The following KCNMB2 variants were observed in gnomAD, a reference collection of about 807,000 sequenced individuals.
KCNMB2 encodes calcium-activated potassium channel subunit beta-2.
Under a neutral mutation model 24.5 loss-of-function variants are expected in KCNMB2, and 9 were observed. The ratio of observed to expected loss-of-function variants is 0.37; its 90% confidence interval spans 0.22 to 0.64. KCNMB2 has a LOEUF of 0.64. KCNMB2 is among the 30% of genes least tolerant of loss of function. The pLI, the probability that KCNMB2 is intolerant of heterozygous loss-of-function variation, is 0.63. For missense variants in KCNMB2, 226 were observed against 284.3 expected, an observed-to-expected ratio of 0.79 and a Z score of 1.47; for synonymous variants, 109 against 104.4, an observed-to-expected ratio of 1.04 and a Z score of -0.27.
At chr3:178,758,131 C>T (rs1412202872) in intron 1 of KCNMB2, among the ~76,000 whole-genome samples, 6 of 40,954 alleles carry the variant, frequency 1.5e-4, no homozygotes, top group South Asian at 8.1e-4. Context: ...TATATGTACA[C>T]ACAAGAGGAT....
At chr3:178,564,955 T>C (rs766428800) in intron 1 of KCNMB2, among the ~76,000 whole-genome samples, 1 of 152,206 alleles carries the variant, frequency 6.6e-6, no homozygotes, top group Admixed American at 6.6e-5. Flanking sequence ...ATCTATATTC[T>C]AGAATACTTT....
intron 1 of KCNMB2, among the ~76,000 whole-genome samples, chr3:178,779,732 T>A (rs1196064192): frequency 6.6e-6 from 1 of 152,180 alleles, no homozygotes; most frequent in East Asian, 1.9e-4. Context: ...TTCAGGTTTT[T>A]TGTAAGACTA....
intron 1 of KCNMB2, among the ~76,000 whole-genome samples, chr3:178,620,510 G>A (rs1718869967): frequency 6.6e-6 from 1 of 152,190 alleles, no homozygotes; most frequent in African/African-American, 2.4e-5. Flanking sequence ...AGTGTCTGGT[G>A]AGGACTTGCT....
intron 1 of KCNMB2, among the ~76,000 whole-genome samples, chr3:178,670,351 C>A (rs1428922875): frequency 6.6e-6 from 1 of 151,912 alleles, no homozygotes; most frequent in African/African-American, 2.4e-5. Context: ...AATCAAAGAA[C>A]TTCTGCAAAG....
chr3:178,605,061 T>C (rs1332809009), intron 1 of KCNMB2, among the ~76,000 whole-genome samples: 1 of 152,166 alleles, frequency 6.6e-6, no homozygotes, highest in African/African-American at 2.4e-5. Context: ...TAAGGTCAAG[T>C]AGTTTTTTTA....
At chr3:178,674,823 G>A (rs1577088586) in intron 1 of KCNMB2, among the ~76,000 whole-genome samples, 1 of 152,256 alleles carries the variant, frequency 6.6e-6, no homozygotes, top group African/African-American at 2.4e-5. Context: ...GCTTGGCCCA[G>A]TTCAGCCACA....
intron 1 of KCNMB2, among the ~76,000 whole-genome samples, chr3:178,583,015 G>C (rs1256089539): frequency 3.3e-5 from 5 of 152,020 alleles, no homozygotes; most frequent in African/African-American, 9.7e-5. Flanking sequence ...CAATGATATT[G>C]GTTCTCTTTA....
At chr3:178,638,761 A>G (rs1719619006) in intron 1 of KCNMB2, among the ~76,000 whole-genome samples, 2 of 152,206 alleles carry the variant, frequency 1.3e-5, no homozygotes, top group Non-Finnish European at 2.9e-5. Context: ...GATAGTAGAA[A>G]GAACATATCA....
intron 1 of KCNMB2, among the ~76,000 whole-genome samples, chr3:178,765,716 T>C (rs1275045200): frequency 6.6e-6 from 1 of 150,930 alleles, no homozygotes; most frequent in Non-Finnish European, 1.5e-5. Context: ...AACCCTGTAC[T>C]TTCTGGTTTT....
intron 1 of KCNMB2, among the ~76,000 whole-genome samples, chr3:178,730,043 T>C (rs191289435): frequency 2.5e-4 from 38 of 152,336 alleles, no homozygotes; most frequent in Non-Finnish European, 4.0e-4. Context: ...GAATCTTGCA[T>C]TGACAATTAA....
chr3:178,781,890 C>A (rs1712865755), intron 1 of KCNMB2, among the ~76,000 whole-genome samples: 1 of 146,840 alleles, frequency 6.8e-6, no homozygotes, highest in Non-Finnish European at 1.5e-5. Context: ...GCTGCACCCA[C>A]TAACTCGTCA....
intron 1 of KCNMB2, among the ~76,000 whole-genome samples, chr3:178,735,707 A>T (rs1462441802): frequency 6.6e-6 from 1 of 152,234 alleles, no homozygotes; most frequent in Non-Finnish European, 1.5e-5. Context: ...GTACTGGTAC[A>T]TGTAACTCCT....
intron 1 of KCNMB2, among the ~76,000 whole-genome samples, chr3:178,553,270 T>C (rs1054051581): frequency 2.6e-5 from 4 of 152,204 alleles, no homozygotes; most frequent in Non-Finnish European, 4.4e-5. Context: ...TCTGGCACCA[T>C]GCTAGAAAAG....
intron 1 of KCNMB2, among the ~76,000 whole-genome samples, chr3:178,782,525 A>G (rs1158950962): frequency 6.7e-6 from 1 of 149,272 alleles, no homozygotes; most frequent in African/African-American, 2.4e-5. Flanking sequence ...TTTGATTTGC[A>G]TTTCTCTGAT....
intron 4 of KCNMB2, chr3:178,841,444 G>A (rs1715424174): frequency 6.6e-6 from 1 of 152,088 alleles, no homozygotes; most frequent in African/African-American, 2.4e-5. Flanking sequence ...ATTCCCCACT[G>A]GCCTGGTACC....
chr3:178,664,081 G>A (rs560397316), intron 1 of KCNMB2, among the ~76,000 whole-genome samples: 13 of 152,180 alleles, frequency 8.5e-5, no homozygotes, highest in Admixed American at 3.9e-4. Context: ...GCATTTTTCC[G>A]TTTACATAGC....
chr3:178,810,850 T>G (rs1714158452), intron 2 of KCNMB2, among the ~76,000 whole-genome samples: 1 of 150,046 alleles, frequency 6.7e-6, no homozygotes, highest in Admixed American at 6.6e-5. Context: ...TTCTCCTGCC[T>G]CAGCCTCCCA....
intron 1 of KCNMB2, among the ~76,000 whole-genome samples, chr3:178,691,105 G>GTATTTTTTTT (rs1310077931): frequency 3.0e-5 from 1 of 32,960 alleles, no homozygotes; most frequent in African/African-American, 2.3e-4. Flanking sequence ...TCCCCATTAA[G>GTATTTTTTTT]TCTTTTTTTT....
At chr3:178,620,555 C>T (rs1718872254) in intron 1 of KCNMB2, among the ~76,000 whole-genome samples, 1 of 152,180 alleles carries the variant, frequency 6.6e-6, no homozygotes, top group South Asian at 2.1e-4. Context: ...TCACTGTGCT[C>T]TTGCATGATG....
Sources: gnomAD v4.1 joint callset for allele counts (sites outside exome capture counted in the v4.1 genomes callset) on GRCh38, gnomAD v4.1.1 for gene constraint, MANE v1.5 for transcripts, NCBI Gene and HGNC (gene_info 2026-07-23, HGNC 2026-07-21) for gene names.